FILIP1: variants seen among roughly 807,000 people sequenced by gnomAD.
FILIP1 encodes the protein filamin A interacting protein 1.
A neutral mutation model predicts 102.1 loss-of-function variants in FILIP1; 61 were observed. The observed-to-expected ratio is 0.60, with a 90% CI of 0.49 to 0.74. The LOEUF (loss-of-function observed/expected upper bound fraction) is 0.74, where lower values mean the gene tolerates loss of function less well. Among genes scored for constraint, FILIP1 ranks in the 30% least tolerant of loss-of-function variants. FILIP1 has a pLI of 0.00. For synonymous variants in FILIP1, 491 were observed against 526.9 expected, an observed-to-expected ratio of 0.93 and a Z score of 0.93; for missense variants, 1,314 against 1,441.2, an observed-to-expected ratio of 0.91 and a Z score of 1.43.
intron 1 of FILIP1, among the ~76,000 whole-genome samples, chr6:75,427,365 TTATAAAC>T (rs2149703410): frequency 6.6e-6 from 1 of 152,296 alleles, no homozygotes; most frequent in African/African-American, 2.4e-5. Flanking sequence ...GGTTACAGTT[TTATAAAC>T]TATAAAGTAC....
At position 75,313,204 on chromosome 6, in the gene FILIP1, C is replaced by T. The variant is rs1266172878; in HGVS notation, c.2628G>A (p.Arg876=). Residue 876 remains arginine (R), a synonymous_variant, in exon 5 of 6, where the codon AGG becomes AGA. Coordinates refer to ENST00000237172, the MANE Select transcript of FILIP1 (RefSeq NM_015687.5). The surrounding 1 kb of genome is among the most constrained non-coding windows in gnomAD (Gnocchi z 4.2). The stretch of plus-strand genomic sequence containing the variant: ...CCTGAGTGATGGAGGGGCCGTTTTC[C>T]CTCTTTCTCATCCATGGAATCCAAG... ...RKSWIPWMRK[R]ENGPSITQEK... is the part of the protein sequence containing the mutation. The T allele has an allele frequency of 6.2e-7, 1 of 1,614,000 alleles. No homozygotes were observed. The highest frequency in any genetic ancestry group is 1.7e-5 in the Admixed American group (1 of 59,990).
At chr6:75,370,736 C>T (rs568722498) in intron 2 of FILIP1, among the ~76,000 whole-genome samples, 2 of 151,946 alleles carry the variant, frequency 1.3e-5, no homozygotes, top group South Asian at 2.1e-4. Flanking sequence ...GCCACAACCC[C>T]GGGCTAATTT....
At chr6:75,389,447 G>A (rs952004806) in intron 2 of FILIP1, among the ~76,000 whole-genome samples, 4 of 152,158 alleles carry the variant, frequency 2.6e-5, no homozygotes, top group Admixed American at 2.6e-4. Flanking sequence ...AGAAGGAATG[G>A]TACCAGCTTT....
chr6:75,411,449 T>C (rs1562563197), intron 2 of FILIP1, among the ~76,000 whole-genome samples: 1 of 152,242 alleles, frequency 6.6e-6, no homozygotes, highest in Non-Finnish European at 1.5e-5. Context: ...ATTTTGGCTT[T>C]TGTTGCCATT....
chr6:75,318,471 A>G (rs1476773569), intron 4 of FILIP1, among the ~76,000 whole-genome samples: 5 of 151,994 alleles, frequency 3.3e-5, no homozygotes, highest in African/African-American at 1.2e-4. Context: ...GCTGGTGTCA[A>G]GTGATCCTCC....
At position 75,292,404 on chromosome 6, in the gene FILIP1, C is replaced by T. The variant is rs188903306; in HGVS notation, c.*3506G>A. On this transcript the variant is annotated 3_prime_UTR_variant, in exon 7 of 7. Coordinates refer to the FILIP1 transcript ENST00000393004. ...ACAACACCGGAAAGCAAATGTATCA[C>T]GTTATGGCATCGATAAACATTTCTG... 147 of 152,302 alleles carry T rather than the reference C, an allele frequency of 9.7e-4. 2 individuals are homozygous for T. The highest frequency in any genetic ancestry group is 3.1e-3 in the African/African-American group (128 of 41,568). The allele number at this position is 152,302 out of a possible 1,614,324, so 9.4% of individuals were successfully genotyped here. A position where few individuals can be genotyped will look rare whatever the true frequency, so the allele number is the denominator to read the frequency against.
At chr6:75,297,399 T>C (rs1041932790) in intron 6 of FILIP1, among the ~76,000 whole-genome samples, 1 of 152,144 alleles carries the variant, frequency 6.6e-6, no homozygotes, top group Non-Finnish European at 1.5e-5. Flanking sequence ...TGGAGCTATT[T>C]CCATTTTTTC....
chr6:75,389,709 A>C (rs1776219352), intron 2 of FILIP1, among the ~76,000 whole-genome samples: 1 of 152,094 alleles, frequency 6.6e-6, no homozygotes, highest in Non-Finnish European at 1.5e-5. Flanking sequence ...CTGTGAGATA[A>C]GTGTTGATCT....
intron 1 of FILIP1, among the ~76,000 whole-genome samples, chr6:75,429,906 G>C (rs189267704): frequency 6.6e-6 from 1 of 152,316 alleles, no homozygotes; most frequent in African/African-American, 2.4e-5. Context: ...CCAGCACCAT[G>C]CTGGATGCAA....
At chr6:75,326,455 C>A (rs1485140979) in intron 4 of FILIP1, among the ~76,000 whole-genome samples, 1 of 151,900 alleles carries the variant, frequency 6.6e-6, no homozygotes, top group African/African-American at 2.4e-5. Context: ...AATAGCTATC[C>A]CTAAAGAACA....
chr6:75,476,034 A>G (rs1346405752), intron 1 of FILIP1, among the ~76,000 whole-genome samples: 1 of 152,140 alleles, frequency 6.6e-6, no homozygotes, highest in Non-Finnish European at 1.5e-5. Context: ...TGAGGTTAGG[A>G]GTTCGAGACC....
In FILIP1 at chr6:75,313,079, T is replaced by A. The variant is rs1449664723; in HGVS notation, c.2753A>T (p.His918Leu). The A allele has an allele frequency of 1.9e-6, 3 of 1,614,200 alleles. No homozygotes were observed. Among genetic ancestry groups the A allele is most frequent in the Non-Finnish European group, 2.5e-6 (3 of 1,180,024 alleles). ...QPLHIRVTPD[H>L]ENSTATLEIT... ...CTCCAAAGTCGCAGTGCTGTTCTCG[T>A]GGTCTGGTGTCACTCGAATATGCAG... The change falls in exon 5 of 6, where the codon CAC becomes CTC. Residue 918 changes from histidine to leucine, a missense_variant. Transcript: ENST00000237172. This position sits in a 1 kb window ranked among gnomAD's most constrained non-coding sequence, Gnocchi z 4.2.
At chr6:75,418,174 G>A (rs574098559) in intron 1 of FILIP1, among the ~76,000 whole-genome samples, 1 of 152,148 alleles carries the variant, frequency 6.6e-6, no homozygotes, top group African/African-American at 2.4e-5. Flanking sequence ...CTCCAGCCTG[G>A]GCGACAGAGC....
At chr6:75,488,770 C>T (rs1779868196) in intron 1 of FILIP1, among the ~76,000 whole-genome samples, 1 of 152,116 alleles carries the variant, frequency 6.6e-6, no homozygotes, top group Admixed American at 6.6e-5. Flanking sequence ...AACTTCCCTG[C>T]TTATAAGGGT....
At chr6:75,472,732 T>C (rs957054531) in intron 1 of FILIP1, among the ~76,000 whole-genome samples, 1 of 152,164 alleles carries the variant, frequency 6.6e-6, no homozygotes, top group African/African-American at 2.4e-5. Context: ...AACTATGACA[T>C]GTACAAACCA....
chr6:75,294,174 A>G (rs1025489330), exon 7 of FILIP1: 1 of 152,152 alleles, frequency 6.6e-6, no homozygotes, highest in Non-Finnish European at 1.5e-5. Context: ...TCCATCATTA[A>G]TTTTTCTATT....
intron 1 of FILIP1, among the ~76,000 whole-genome samples, chr6:75,455,526 T>C (rs546780058): frequency 1.3e-5 from 2 of 152,160 alleles, no homozygotes; most frequent in South Asian, 4.2e-4. Context: ...AATTAGAAAA[T>C]GCAGGCAAAG....
chr6:75,472,940 G>A (rs1041837208), intron 1 of FILIP1, among the ~76,000 whole-genome samples: 3 of 152,068 alleles, frequency 2.0e-5, no homozygotes, highest in East Asian at 1.9e-4. Flanking sequence ...AGCACATTTC[G>A]AAATCTCAAA....
chr6:75,487,648 C>T (rs1434308820), intron 1 of FILIP1, among the ~76,000 whole-genome samples: 1 of 151,822 alleles, frequency 6.6e-6, no homozygotes, highest in East Asian at 1.9e-4. Flanking sequence ...GTGGTGCCAG[C>T]AGTCTATTGT....
Sources: gnomAD v4.1 joint callset for allele counts (sites outside exome capture counted in the v4.1 genomes callset) on GRCh38, gnomAD v4.1.1 for gene constraint, Gnocchi (gnomAD v3.1) non-coding constraint, MANE v1.5 for transcripts, NCBI Gene and HGNC (gene_info 2026-07-23, HGNC 2026-07-21) for gene names.